Variants in TGM3 observed in about 807,000 individuals in gnomAD.
TGM3 encodes the protein protein-glutamine gamma-glutamyltransferase E.
A neutral mutation model predicts 73.8 loss-of-function variants in TGM3; 52 were observed. That is an observed-to-expected ratio of 0.70 (90% confidence interval 0.56 to 0.89). TGM3 has a LOEUF of 0.89. Ranked by LOEUF, TGM3 falls within the 40% of genes least tolerant of loss-of-function variation. TGM3 has a pLI of 0.00. For synonymous variants in TGM3, 372 were observed against 354.9 expected (o/e 1.05, Z -0.54); for missense variants, 928 against 909.9 (o/e 1.02, Z -0.26).
chr20:2,331,005 CAA>C (rs59627856), intron 9 of TGM3, among the ~76,000 whole-genome samples: 4,059 of 65,008 alleles, frequency 0.062, 18 homozygotes, highest in Non-Finnish European at 0.098. Flanking sequence ...GACCCTGTCA[CAA>C]AAAAAAAAAA....
chr20:2,319,662 A>C (rs1159878579), intron 7 of TGM3, among the ~76,000 whole-genome samples: 2 of 152,154 alleles, frequency 1.3e-5, no homozygotes, highest in Non-Finnish European at 1.5e-5. Context: ...GGCCAGGCGC[A>C]GAAGCTCTGA....
intron 9 of TGM3, among the ~76,000 whole-genome samples, chr20:2,331,005 CAAAAAAAAAA>C (rs59627856): frequency 2.3e-4 from 15 of 65,480 alleles, no homozygotes; most frequent in African/African-American, 7.1e-4. Context: ...GACCCTGTCA[CAAAAAAAAAA>C]AAAAAAAAAA....
In TGM3 at chr20:2,335,123, A is replaced by G. The variant is rs1197005860; in HGVS notation, c.1650A>G (p.Glu550=). 1.9e-6 allele frequency: 3 copies of G among 1,614,100 alleles called. No individual in the cohort carries two copies. The highest frequency in any genetic ancestry group is 1.3e-5 in the African/African-American group (1 of 74,934). ...TMSLDPEEEA[E]HPIKISYAQY... is the part of the protein sequence containing the mutation. ...CCTGGCTTCTCCTTCCAGAGGCAGA[A>G]CATCCCATAAAGATCTCGTACGCTC... is the stretch of plus-strand genomic sequence containing the variant. Residue 550 remains glutamate, a synonymous_variant, in exon 11 of 13, where the codon GAA becomes GAG. Coordinates refer to ENST00000381458, the MANE Select transcript of TGM3 (RefSeq NM_003245.4).
intron 5 of TGM3, among the ~76,000 whole-genome samples, chr20:2,313,881 A>AG (rs1275640779): frequency 1.3e-5 from 2 of 152,078 alleles, no homozygotes; most frequent in Non-Finnish European, 2.9e-5. Flanking sequence ...TTAAAAAAAA[A>AG]CTAGCCAGGC....
chr20:2,307,478 C>A (rs764845701), intron 1 of TGM3, among the ~76,000 whole-genome samples: 1 of 152,200 alleles, frequency 6.6e-6, no homozygotes, highest in African/African-American at 2.4e-5. Flanking sequence ...GCAGGCAGCT[C>A]TATGGGCACC....
intron 1 of TGM3, among the ~76,000 whole-genome samples, chr20:2,308,441 C>G (rs997481012): frequency 6.6e-6 from 1 of 152,136 alleles, no homozygotes; most frequent in East Asian, 1.9e-4. Flanking sequence ...TTTATATCAG[C>G]GAACACCTGG....
At chr20:2,302,445 T>G (rs960221703) in intron 1 of TGM3, among the ~76,000 whole-genome samples, 31 of 152,262 alleles carry the variant, frequency 2.0e-4, no homozygotes, top group Admixed American at 2.0e-3. Flanking sequence ...AACAATAGCT[T>G]AGAAAAATAA....
rs1396602927 is a variant in TGM3, at chr20:2,335,177, C to G, written c.1704C>G (p.Asn568Lys). 6.2e-7 allele frequency: 1 copy of G among 1,614,234 alleles called. No individual in the cohort carries two copies. The highest frequency in any genetic ancestry group is 8.5e-7 in the Non-Finnish European group (1 of 1,180,032). ...ATGAGAAGTACCTGAAGTCAGACAA[C>G]ATGATCCGGATCACAGCGGTGTGCA... is the stretch of plus-strand genomic sequence containing the variant. ...AQYEKYLKSD[N>K]MIRITAVCKV... Residue 568 changes from asparagine (N) to lysine (K), a missense_variant, in exon 11 of 13, where the codon AAC (asparagine) becomes AAG (lysine). Physicochemically the swap from Asn to Lys is moderately conservative, Grantham distance 94. Coordinates refer to ENST00000381458, the MANE Select transcript of TGM3 (RefSeq NM_003245.4).
chr20:2,328,122 G>T lies in TGM3; in HGVS notation c.1090G>T (p.Val364Leu). Reference protein sequence around the residue: ...DATPQERSQGVFQCGPASVIG... With the variant: ...DATPQERSQGLFQCGPASVIG... Reference sequence around the variant, plus strand: ...AGCCTCTGCATCTTGGCCTCCAGGGGTGTTCCAGTGCGGCCCCGCTTCGGT... The same window carrying T: ...AGCCTCTGCATCTTGGCCTCCAGGGTTGTTCCAGTGCGGCCCCGCTTCGGT... The change falls in exon 9 of 13, where the codon GTG becomes TTG. Residue 364 changes from valine to leucine, a missense_variant and splice_region_variant. Coordinates refer to ENST00000381458, the MANE Select transcript of TGM3 (RefSeq NM_003245.4). The surrounding 1 kb of genome is among the most constrained non-coding windows in gnomAD (Gnocchi z 5.2). 1 of 1,614,166 alleles carries T rather than the reference G, an allele frequency of 6.2e-7. No homozygotes were observed. Among genetic ancestry groups the T allele is most frequent in the Non-Finnish European group, 8.5e-7 (1 of 1,180,036 alleles).
chr20:2,320,703 A>C (rs984079648), intron 7 of TGM3, among the ~76,000 whole-genome samples: 6 of 152,184 alleles, frequency 3.9e-5, no homozygotes, highest in Non-Finnish European at 8.8e-5. Context: ...GAGTGAGGAC[A>C]CTTTTCGGGG....
In TGM3 at chr20:2,317,403, C is replaced by T. The variant is rs1480854702; in HGVS notation, c.901C>T (p.His301Tyr). Residue 301 changes from histidine to tyrosine, a missense_variant, in exon 7 of 13, where the codon CAT becomes TAT. Transcript: ENST00000381458. ...GGTGATCACCAACTTCAACTCAGCT[C>T]ATGACACAGACCGAAATCTCAGTGT... ...SRVITNFNSA[H>Y]DTDRNLSVDV... 1 of 1,614,134 alleles carries T rather than the reference C, an allele frequency of 6.2e-7. No homozygotes were observed. Among genetic ancestry groups the T allele is most frequent in the Non-Finnish European group, 8.5e-7 (1 of 1,180,056 alleles).
chr20:2,299,908 G>A (rs902320783), intron 1 of TGM3, among the ~76,000 whole-genome samples: 3 of 152,104 alleles, frequency 2.0e-5, no homozygotes, highest in Non-Finnish European at 4.4e-5. Context: ...GACCAGCCTG[G>A]CCAATACGAC....
chr20:2,307,025 C>T (rs1049676392), intron 1 of TGM3, among the ~76,000 whole-genome samples: 5 of 152,000 alleles, frequency 3.3e-5, no homozygotes, highest in African/African-American at 1.2e-4. Flanking sequence ...TCCCTCTGTC[C>T]TTTCTGTCCT....
At chr20:2,340,054 C>CCG in intron 12 of TGM3, 67 bp downstream of exon 12, 1 of 1,486,404 alleles carries the variant, frequency 6.7e-7, no homozygotes, top group Non-Finnish European at 9.2e-7. Flanking sequence ...TCCAGATCCC[C>CCG]TGGGTGGGAC....
chr20:2,321,881 AGTT>A (rs1393959783), intron 7 of TGM3, among the ~76,000 whole-genome samples: 2 of 152,224 alleles, frequency 1.3e-5, no homozygotes, highest in African/African-American at 2.4e-5. Flanking sequence ...ACCAGGATGC[AGTT>A]GTTATCTGCT....
intron 5 of TGM3, 21 bp from the exon 6 acceptor site, chr20:2,317,046 TG>T (rs759895112): frequency 2.6e-5 from 42 of 1,611,008 alleles, no homozygotes; most frequent in African/African-American, 8.0e-5. Flanking sequence ...TGACTCATTT[TG>T]GGGGGGTGGT....
Position 2,332,013 on chromosome 20 carries a change from G to A in TGM3, c.1345G>A (p.Glu449Lys). ...KYKYPEGSDQ[E>K]RQVFQKALGK... The stretch of plus-strand genomic sequence containing the variant: ...TTCCCACCACACAGGCTCTGACCAG[G>A]AAAGACAAGTGTTCCAAAAGGCTTT... Residue 449 changes from glutamate to lysine, a missense_variant, in exon 10 of 13, where the codon GAA (glutamate) becomes AAA (lysine). By Grantham distance (56) the Glu-to-Lys change is moderately conservative (BLOSUM62 1). Coordinates refer to ENST00000381458, the MANE Select transcript of TGM3 (RefSeq NM_003245.4). This position sits in a 1 kb window ranked among gnomAD's most constrained non-coding sequence, Gnocchi z 4.4. The A allele has an allele frequency of 6.2e-7, 1 of 1,605,724 alleles. No individual in the cohort carries two copies.
intron 1 of TGM3, among the ~76,000 whole-genome samples, chr20:2,299,114 C>T (rs771346855): frequency 6.7e-4 from 102 of 152,188 alleles, no homozygotes; most frequent in Middle Eastern, 3.4e-3. Flanking sequence ...CTGCCCCTTA[C>T]GAGAAGAGTG....
chr20:2,304,166 C>G lies in TGM3; in HGVS notation c.8-5491C>G, dbSNP rs142961166. Among the ~76,000 whole-genome samples, 4 of 152,302 alleles carry G rather than the reference C, an allele frequency of 2.6e-5. No individual in the cohort carries two copies. In the East Asian group the frequency reaches 7.7e-4, roughly 29 times the overall value. On this transcript the variant is annotated intron_variant, in intron 1 of 12. Coordinates refer to ENST00000381458, the MANE Select transcript of TGM3 (RefSeq NM_003245.4). ...ACAGCTGAGTACCTTCCCCTCCTCT[C>G]CTTTCCTACACATTCTGACAGGGTG...
Sources: allele counts gnomAD v4.1 joint callset (sites outside exome capture counted in the v4.1 genomes callset), GRCh38; gene constraint gnomAD v4.1.1; non-coding constraint Gnocchi (gnomAD v3.1); transcripts MANE v1.5; gene names NCBI Gene and HGNC (gene_info 2026-07-23, HGNC 2026-07-21).